The following PCSK2 variants were observed in gnomAD, a reference collection of about 807,000 sequenced individuals.
PCSK2 encodes neuroendocrine convertase 2.
In PCSK2, 14 loss-of-function variants were observed where a neutral mutation model predicts 69.7. The ratio of observed to expected loss-of-function variants is 0.20; its 90% CI spans 0.13 to 0.31. The LOEUF (loss-of-function observed/expected upper bound fraction) is 0.31, where lower values mean the gene tolerates loss of function less well. Among genes scored for constraint, PCSK2 ranks in the 10% least tolerant of loss-of-function variants. The pLI is 1.00. For missense variants in PCSK2, 544 were observed against 842.5 expected, an observed-to-expected ratio of 0.65 and a Z score of 4.39; for synonymous variants, 307 against 320.7, an observed-to-expected ratio of 0.96 and a Z score of 0.46.
At chr20:17,403,496 C>G (rs1467087371) in intron 5 of PCSK2, among the ~76,000 whole-genome samples, 1 of 152,204 alleles carries the variant, frequency 6.6e-6, no homozygotes, top group Non-Finnish European at 1.5e-5. Context: ...GGCTATTTTG[C>G]TTCTCAGTTT....
chr20:17,373,715 G>T (rs1317051686), intron 5 of PCSK2, among the ~76,000 whole-genome samples: 3 of 152,166 alleles, frequency 2.0e-5, no homozygotes, highest in Non-Finnish European at 4.4e-5. Flanking sequence ...TTCAAAGCTT[G>T]GTTATTCTGT....
At chr20:17,304,051 A>G (rs6136056) in intron 2 of PCSK2, among the ~76,000 whole-genome samples, 14,008 of 151,260 alleles carry the variant, frequency 0.093, 786 homozygotes, top group African/African-American at 0.15. Flanking sequence ...TGATTATCCA[A>G]CTGGGAGTCT....
At chr20:17,305,929 T>C (rs1989312276) in intron 2 of PCSK2, among the ~76,000 whole-genome samples, 1 of 152,176 alleles carries the variant, frequency 6.6e-6, no homozygotes, top group East Asian at 1.9e-4. Context: ...CAGGATGCAT[T>C]TTGCTACTGT....
At chr20:17,282,128 G>A (rs1316338732) in intron 2 of PCSK2, among the ~76,000 whole-genome samples, 1 of 151,970 alleles carries the variant, frequency 6.6e-6, no homozygotes, top group East Asian at 1.9e-4. Context: ...TGCAGTTAAG[G>A]ATGTCTATAT....
chr20:17,437,200 G>A (rs540558549), intron 8 of PCSK2, among the ~76,000 whole-genome samples: 136 of 152,296 alleles, frequency 8.9e-4, no homozygotes, highest in African/African-American at 3.2e-3. Context: ...GACAGAAAGG[G>A]GCCTGCACTG....
intron 2 of PCSK2, among the ~76,000 whole-genome samples, chr20:17,274,522 T>C (rs1401669597): frequency 6.6e-6 from 1 of 152,094 alleles, no homozygotes; most frequent in African/African-American, 2.4e-5. Flanking sequence ...GCTAAAGAAT[T>C]GTGATTACCC....
chr20:17,360,469 T>A, intron 3 of PCSK2, 63 bp from the exon 4 acceptor site: 2 of 929,882 alleles, frequency 2.2e-6, no homozygotes, highest in Non-Finnish European at 3.4e-6. Context: ...CAAGTAAATA[T>A]GTACATGGGT....
intron 2 of PCSK2, among the ~76,000 whole-genome samples, chr20:17,278,367 A>G (rs1204271102): frequency 6.6e-5 from 10 of 152,242 alleles, no homozygotes; most frequent in Admixed American, 5.9e-4. Flanking sequence ...TGGCATATAT[A>G]CACTATGGAA....
At chr20:17,477,763 C>G (rs1403755162) in intron 11 of PCSK2, among the ~76,000 whole-genome samples, 1 of 152,146 alleles carries the variant, frequency 6.6e-6, no homozygotes, top group Non-Finnish European at 1.5e-5. Flanking sequence ...TGATTCCACT[C>G]TCTGTAAGTG....
At chr20:17,276,569 T>G (rs1988087435) in intron 2 of PCSK2, among the ~76,000 whole-genome samples, 1 of 151,954 alleles carries the variant, frequency 6.6e-6, no homozygotes, top group African/African-American at 2.4e-5. Context: ...TTATTGTGAG[T>G]CCTTAAGTAC....
chr20:17,383,686 G>T (rs2031152516), intron 5 of PCSK2, among the ~76,000 whole-genome samples: 1 of 152,094 alleles, frequency 6.6e-6, no homozygotes, highest in Non-Finnish European at 1.5e-5. Context: ...ACCAACATGA[G>T]CATGTTCTTA....
chr20:17,346,262 T>C lies in PCSK2; in HGVS notation c.283-12065T>C, dbSNP rs150404960. Among the ~76,000 whole-genome samples the C allele has an allele frequency of 3.3e-5, 5 of 152,194 alleles. 1 individual carries two copies. The highest frequency in any genetic ancestry group is 1.3e-4 in the Admixed American group (2 of 15,280). On this transcript the variant is annotated intron_variant, in intron 2 of 11. Transcript: ENST00000262545. Reference sequence around the variant, plus strand: ...AGCCAGGTGCCATGAGCACTTTCTCTGTGGGCGCTGTTGGCTCCCCTTTAC... The same window carrying C: ...AGCCAGGTGCCATGAGCACTTTCTCCGTGGGCGCTGTTGGCTCCCCTTTAC...
chr20:17,249,166 A>T (rs773217824), intron 1 of PCSK2, among the ~76,000 whole-genome samples: 4 of 152,132 alleles, frequency 2.6e-5, no homozygotes, highest in Non-Finnish European at 4.4e-5. Flanking sequence ...ATTTTAAAAT[A>T]TTTTTACATT....
At chr20:17,288,873 A>G (rs1988605117) in intron 2 of PCSK2, among the ~76,000 whole-genome samples, 1 of 152,194 alleles carries the variant, frequency 6.6e-6, no homozygotes, top group Non-Finnish European at 1.5e-5. Flanking sequence ...GCCCTAGCGA[A>G]CAAATATACT....
At chr20:17,302,224 C>T (rs1158921356) in intron 2 of PCSK2, among the ~76,000 whole-genome samples, 5 of 152,136 alleles carry the variant, frequency 3.3e-5, no homozygotes, top group Admixed American at 2.6e-4. Flanking sequence ...TCTTAATCTT[C>T]GAATTCCATG....
intron 1 of PCSK2, among the ~76,000 whole-genome samples, chr20:17,252,684 T>C (rs1441573134): frequency 6.6e-6 from 1 of 152,190 alleles, no homozygotes; most frequent in Admixed American, 6.5e-5. Context: ...GTTAATAGAT[T>C]GCTGTGTGCA....
At position 17,336,838 on chromosome 20, in the gene PCSK2, C is replaced by T. The variant is rs367674533; in HGVS notation, c.283-21489C>T. The stretch of plus-strand genomic sequence containing the variant: ...GCTGAGATGAACTGAGGGCCAGTGA[C>T]GGGGTAATGAGGTGCATTTCGGAGG... On this transcript the variant is annotated intron_variant, in intron 2 of 11. Coordinates refer to ENST00000262545, the MANE Select transcript of PCSK2 (RefSeq NM_002594.5). 1.1e-4 allele frequency among the ~76,000 whole-genome samples: 17 copies of T among 152,150 alleles called. No individual in the cohort carries two copies. The East Asian group carries it at 2.1e-3, about 19-fold the overall frequency.
chr20:17,356,184 T>C (rs2030190878), intron 2 of PCSK2, among the ~76,000 whole-genome samples: 2 of 152,132 alleles, frequency 1.3e-5, no homozygotes, highest in Admixed American at 1.3e-4. Context: ...TGAATCATAA[T>C]TTATCTCCAT....
intron 5 of PCSK2, among the ~76,000 whole-genome samples, chr20:17,384,427 A>T (rs1201161715): frequency 0.011 from 1,383 of 120,924 alleles, 10 homozygotes; most frequent in South Asian, 0.017. Flanking sequence ...ATATCTACCA[A>T]AAAAAAAAAA....
Sources: gnomAD v4.1 joint callset for allele counts (sites outside exome capture counted in the v4.1 genomes callset) on GRCh38, gnomAD v4.1.1 for gene constraint, MANE v1.5 for transcripts, NCBI Gene and HGNC (gene_info 2026-07-23, HGNC 2026-07-21) for gene names.